The following NDST3 variants were observed in gnomAD, a reference collection of about 807,000 sequenced individuals.
NDST3 encodes the protein bifunctional heparan sulfate N-deacetylase/N-sulfotransferase 3.
NDST3 carries 58 observed loss-of-function variants against 96.1 expected under a neutral mutation model. The ratio of observed to expected loss-of-function variants is 0.60; its 90% CI spans 0.49 to 0.75. The LOEUF (loss-of-function observed/expected upper bound fraction) is 0.75, where lower values mean the gene tolerates loss of function less well. Ranked by LOEUF, NDST3 falls within the 30% of genes least tolerant of loss-of-function variation. The probability of loss-of-function intolerance (pLI) is 0.00; values close to 1 mark genes in which losing one functional copy is unlikely to be tolerated. For missense variants in NDST3, 788 were observed against 1,034.2 expected, an observed-to-expected ratio of 0.76 and a Z score of 3.27; for synonymous variants, 333 against 359.7, an observed-to-expected ratio of 0.93 and a Z score of 0.84.
chr4:118,128,345 G>T (rs1390389737), intron 4 of NDST3, among the ~76,000 whole-genome samples: 1 of 151,828 alleles, frequency 6.6e-6, no homozygotes, highest in Non-Finnish European at 1.5e-5. Context: ...TTTTATTATG[G>T]TGAGGTATGT....
intron 5 of NDST3, among the ~76,000 whole-genome samples, chr4:118,141,955 T>C (rs972560976): frequency 6.6e-6 from 1 of 152,090 alleles, no homozygotes; most frequent in Non-Finnish European, 1.5e-5. Context: ...TGGGCTAGCA[T>C]AGAGTTTAGA....
intron 2 of NDST3, among the ~76,000 whole-genome samples, chr4:118,063,057 G>A (rs2892785): frequency 0.75 from 114,181 of 151,670 alleles, 45,640 homozygotes; most frequent in South Asian, 0.92. Flanking sequence ...AGGAGTGGTG[G>A]CACACTCCTG....
chr4:118,159,997 T>A (rs1318887990), intron 6 of NDST3, among the ~76,000 whole-genome samples: 1 of 152,136 alleles, frequency 6.6e-6, no homozygotes, highest in African/African-American at 2.4e-5. Context: ...GCAGAAAGCT[T>A]ATTCGAAGAA....
At chr4:118,063,770 T>C (rs1726087160) in intron 2 of NDST3, among the ~76,000 whole-genome samples, 1 of 152,170 alleles carries the variant, frequency 6.6e-6, no homozygotes, top group Admixed American at 6.5e-5. Flanking sequence ...GCTGATAGAT[T>C]ATGACTAACT....
intron 4 of NDST3, among the ~76,000 whole-genome samples, chr4:118,121,438 A>G (rs2125874403): frequency 6.6e-6 from 1 of 152,306 alleles, no homozygotes; most frequent in East Asian, 1.9e-4. Flanking sequence ...TCTACTCCTA[A>G]GTTCTAGCAC....
At chr4:118,150,275 T>C (rs1734294705) in intron 6 of NDST3, among the ~76,000 whole-genome samples, 2 of 152,170 alleles carry the variant, frequency 1.3e-5, no homozygotes, top group South Asian at 4.1e-4. Flanking sequence ...CCTCATACCA[T>C]AAAAACCCTA....
At chr4:118,125,326 C>A (rs916242580) in intron 4 of NDST3, among the ~76,000 whole-genome samples, 2 of 151,992 alleles carry the variant, frequency 1.3e-5, no homozygotes, top group African/African-American at 4.8e-5. Flanking sequence ...ACAACAGCTG[C>A]CAACAGGGGA....
chr4:118,164,948 G>A (rs922964111), intron 6 of NDST3, among the ~76,000 whole-genome samples: 1 of 151,832 alleles, frequency 6.6e-6, no homozygotes, highest in African/African-American at 2.4e-5. Flanking sequence ...AAATAAATGA[G>A]AAAGAAATCA....
chr4:118,186,450 G>A (rs111986114), intron 6 of NDST3, among the ~76,000 whole-genome samples: 8 of 152,274 alleles, frequency 5.3e-5, no homozygotes, highest in African/African-American at 1.9e-4. Flanking sequence ...AAGCCAGTTT[G>A]AGTCCCAAAG....
intron 4 of NDST3, among the ~76,000 whole-genome samples, chr4:118,137,248 A>T (rs1308639649): frequency 6.6e-6 from 1 of 152,234 alleles, no homozygotes; most frequent in Non-Finnish European, 1.5e-5. Flanking sequence ...AATAAAAAAT[A>T]ACTTTGGAGA....
chr4:118,154,265 G>A (rs919431617), intron 6 of NDST3, among the ~76,000 whole-genome samples: 5 of 152,166 alleles, frequency 3.3e-5, no homozygotes, highest in Non-Finnish European at 7.4e-5. Context: ...CTGCCCCACA[G>A]TGTGATTATT....
intron 12 of NDST3, among the ~76,000 whole-genome samples, chr4:118,245,895 G>GT (rs1477635510): frequency 6.6e-6 from 1 of 152,138 alleles, no homozygotes; most frequent in Non-Finnish European, 1.5e-5. Flanking sequence ...CACTCAGCAA[G>GT]TAAGTTGAGG....
chr4:118,136,670 T>A (rs930659084), intron 4 of NDST3, among the ~76,000 whole-genome samples: 7 of 152,054 alleles, frequency 4.6e-5, no homozygotes, highest in Admixed American at 6.6e-5. Context: ...ATACCACCCA[T>A]CCTCTTTCTC....
intron 6 of NDST3, among the ~76,000 whole-genome samples, chr4:118,153,047 A>G (rs1734502494): frequency 6.6e-6 from 1 of 152,200 alleles, no homozygotes; most frequent in Non-Finnish European, 1.5e-5. Flanking sequence ...CTTCCAGCAA[A>G]GGCTTGCAAA....
chr4:118,062,683 AC>A (rs970241205), intron 2 of NDST3, among the ~76,000 whole-genome samples: 1 of 152,106 alleles, frequency 6.6e-6, no homozygotes, highest in African/African-American at 2.4e-5. Flanking sequence ...AAGGGAAAAA[AC>A]ATTTCATATT....
In NDST3 at chr4:118,226,997, T is replaced by C. The variant is rs192188218; in HGVS notation, c.1819+15T>C. The C allele has an allele frequency of 5.5e-3, 8,549 of 1,552,084 alleles. 62 individuals carry two copies. The highest frequency in any genetic ancestry group is 0.02 in the Middle Eastern group (118 of 5,902). ...CCAGAAAACTGGTGAGAACTTTTTA[T>C]GTTATGATTAACGAGTGTAAATTTT... On this transcript the variant is annotated intron_variant, in intron 8 of 13. Coordinates refer to ENST00000296499, the MANE Select transcript of NDST3 (RefSeq NM_004784.3).
At chr4:118,108,106 G>C (rs1263513451) in intron 3 of NDST3, among the ~76,000 whole-genome samples, 1 of 152,138 alleles carries the variant, frequency 6.6e-6, no homozygotes, top group African/African-American at 2.4e-5. Flanking sequence ...AATCTCGTGA[G>C]ACTTCTCATT....
intron 13 of NDST3, 28 bp from the exon 14 acceptor site, chr4:118,255,565 G>T: frequency 1.3e-6 from 2 of 1,585,130 alleles, no homozygotes; most frequent in Non-Finnish European, 1.7e-6. Flanking sequence ...AAAATAAAAT[G>T]TACTTTTCTC....
At chr4:118,053,560 T>G (rs1363619163) in intron 1 of NDST3, among the ~76,000 whole-genome samples, 196 bp from the exon 2 acceptor site, 1 of 151,872 alleles carries the variant, frequency 6.6e-6, no homozygotes. Context: ...AATAGAGGGC[T>G]CAATGGACCC....
Sources: gnomAD v4.1 joint callset for allele counts (sites outside exome capture counted in the v4.1 genomes callset) on GRCh38, gnomAD v4.1.1 for gene constraint, MANE v1.5 for transcripts, NCBI Gene and HGNC (gene_info 2026-07-23, HGNC 2026-07-21) for gene names.